SETX: variants seen among roughly 807,000 people sequenced by gnomAD.
SETX encodes senataxin, also known as helicase senataxin.
A neutral mutation model predicts 227.2 loss-of-function variants in SETX; 90 were observed. That is an observed-to-expected ratio of 0.40 (90% confidence interval 0.33 to 0.47). SETX has a LOEUF of 0.47. Ranked by LOEUF, SETX falls within the 20% of genes least tolerant of loss-of-function variation. The pLI, the probability that SETX is intolerant of heterozygous loss-of-function variation, is 0.91. For synonymous variants in SETX, 1,210 were observed against 1,113.2 expected, an observed-to-expected ratio of 1.09 and a Z score of -1.73; for missense variants, 3,052 against 3,181.5, an observed-to-expected ratio of 0.96 and a Z score of 0.98.
chr9:132,283,442 C>T, intron 18 of SETX, 29 bp from the exon 19 acceptor site: 2 of 1,613,838 alleles, frequency 1.2e-6, no homozygotes, highest in African/African-American at 2.7e-5. Context: ...AATCAATATT[C>T]AGCTGTACAT....
At chr9:132,354,188 C>A (rs909228873) in intron 1 of SETX, among the ~76,000 whole-genome samples, 3 of 152,172 alleles carry the variant, frequency 2.0e-5, no homozygotes, top group Admixed American at 2.0e-4. Flanking sequence ...AGTCCTGTGG[C>A]CAGCAGCAAA....
chr9:132,275,267 GA>G lies in SETX; in HGVS notation c.7088del (p.Phe2363SerfsTer9). ...TAAAAATGCCTCACCCTTTTCTATC[GA>G]ACTCTTTGTCCAAATCCTTCTGAAT... ...TMIQKDLDKE[F>X]DRKGPAEVDT... On this transcript the variant is annotated frameshift_variant, in exon 23 of 26. Transcript: ENST00000224140. LOFTEE classifies it high-confidence loss of function. 6.2e-7 allele frequency: 1 copy of G among 1,613,868 alleles called. No individual in the cohort carries two copies. Among genetic ancestry groups the G allele is most frequent in the Non-Finnish European group, 8.5e-7 (1 of 1,179,946 alleles).
At chr9:132,332,895 G>GAC (rs1371606470) in intron 7 of SETX, among the ~76,000 whole-genome samples, 24 of 26,352 alleles carry the variant, frequency 9.1e-4, no homozygotes, top group Non-Finnish European at 2.0e-3. Flanking sequence ...CAGGGTGGGT[G>GAC]ATAGTGAGAT....
rs11313530 is a variant in SETX at position 132,313,930 on chromosome 9, GTT to G, written c.5275-2076_5275-2075del. ...ACAATGTGGCCTTCCAAGTTTTTTG[GTT>G]TTTTTTTTTGTTTTTTGAGATGCAG... On this transcript the variant is annotated intron_variant, in intron 10 of 25. Coordinates refer to ENST00000224140, the MANE Select transcript of SETX (RefSeq NM_015046.7). Among the ~76,000 whole-genome samples, 1,027 of 148,878 alleles carry G rather than the reference GTT, an allele frequency of 6.9e-3. 13 individuals carry two copies. The highest frequency in any genetic ancestry group is 0.023 in the African/African-American group (956 of 40,946).
chr9:132,275,117 A>T, intron 23 of SETX, 139 bp downstream of exon 23: 1 of 879,358 alleles, frequency 1.1e-6, no homozygotes, highest in Non-Finnish European at 1.8e-6. Flanking sequence ...TATGAAAGCC[A>T]GCAGCATCCC....
chr9:132,338,860 T>C (rs1360685998), intron 5 of SETX, among the ~76,000 whole-genome samples: 1 of 152,156 alleles, frequency 6.6e-6, no homozygotes, highest in African/African-American at 2.4e-5. Flanking sequence ...TGGGCTCAAG[T>C]GATCCTCCCA....
At chr9:132,282,477 A>T (rs1322086829) in intron 19 of SETX, among the ~76,000 whole-genome samples, 2 of 151,798 alleles carry the variant, frequency 1.3e-5, no homozygotes, top group Non-Finnish European at 2.9e-5. Flanking sequence ...TTTAGTAGAG[A>T]CAAGGTTTCA....
At chr9:132,268,782 C>G (rs1158208223) in intron 25 of SETX, among the ~76,000 whole-genome samples, 1 of 152,050 alleles carries the variant, frequency 6.6e-6, no homozygotes, top group Non-Finnish European at 1.5e-5. Context: ...AAGATTTTTT[C>G]TATCAACTTA....
Position 132,311,819 on chromosome 9 carries a change from TTC to T in SETX, c.5310_5311del (p.Asn1771PhefsTer27), listed in dbSNP as rs750959420. On this transcript the variant is annotated frameshift_variant, in exon 11 of 26. Transcript: ENST00000224140. LOFTEE classifies it high-confidence loss of function. ...TTTTCGTACTTGCAACTGATAGAAA[TTC>T]TCTCTATTTGGAGAGTTGAGCCATT... The T allele has an allele frequency of 4.3e-6, 7 of 1,613,780 alleles. No individual in the cohort carries two copies. Among genetic ancestry groups the T allele is most frequent in the Non-Finnish European group, 5.9e-6 (7 of 1,179,896 alleles).
rs1157691529 is a variant in SETX at position 132,335,390 on chromosome 9, CAAAAAAAAAAAAAA to C, written c.719-677_719-664del. Reference sequence around the variant, plus strand: ...TGGGCGACAGAGCAAGACTCCGTCTCAAAAAAAAAAAAAAAAAAAAAAAAAAGTATTTTGAGCCA... The same window carrying C: ...TGGGCGACAGAGCAAGACTCCGTCTCAAAAAAAAAAAAGTATTTTGAGCCA... On this transcript the variant is annotated intron_variant, in intron 6 of 25. Transcript: ENST00000224140. Among the ~76,000 whole-genome samples, 424 of 52,064 alleles carry C rather than the reference CAAAAAAAAAAAAAA, an allele frequency of 8.1e-3. 11 individuals carry two copies. Among genetic ancestry groups the C allele is most frequent in the African/African-American group, 0.032 (402 of 12,658 alleles). The allele number at this position is 52,064 out of a possible 152,430, so 34.2% of individuals were successfully genotyped here.
chr9:132,292,478 C>T (rs1844395540), intron 15 of SETX, among the ~76,000 whole-genome samples: 1 of 134,084 alleles, frequency 7.5e-6, no homozygotes, highest in South Asian at 2.4e-4. Flanking sequence ...GACATTTAAA[C>T]AGCAAATAGA....
intron 17 of SETX, among the ~76,000 whole-genome samples, chr9:132,286,969 G>A (rs555648405): frequency 1.1e-4 from 16 of 152,290 alleles, no homozygotes; most frequent in African/African-American, 3.4e-4. Context: ...CTGAGATGGT[G>A]GAAGCCCTGA....
intron 5 of SETX, 64 bp from the exon 6 acceptor site, chr9:132,336,579 A>G (rs1013161294): frequency 8.8e-7 from 1 of 1,133,594 alleles, no homozygotes; most frequent in East Asian, 2.3e-5. Flanking sequence ...GCAAGAACAC[A>G]GAAAAGAAAA....
rs762766974 is a variant in SETX, at chr9:132,264,745, G to A, written c.7528C>T (p.His2510Tyr). 6.8e-6 allele frequency: 11 copies of A among 1,614,042 alleles called. No individual in the cohort carries two copies. In the South Asian group the frequency reaches 9.9e-5, roughly 14 times the overall value. Residue 2510 changes from histidine to tyrosine, a missense_variant, in exon 26 of 26, where the codon CAC becomes TAC. His to Tyr is a moderately conservative substitution (Grantham distance 83, BLOSUM62 2). This residue lies in a region of SETX where 294 missense variants were observed against 278.8 expected (regional missense o/e 1.05). Coordinates refer to ENST00000224140, the MANE Select transcript of SETX (RefSeq NM_015046.7). ...AKTSVAASLY[H>Y]TPSDSKEITL... is the part of the protein sequence containing the mutation. ...ATTTCCTTGGAGTCAGAGGGTGTGT[G>A]GTATAGAGAAGCAGCAACAGATGTC...
chr9:132,356,312 C>A (rs1034648470), upstream of SETX, among the ~76,000 whole-genome samples: 1 of 152,110 alleles, frequency 6.6e-6, no homozygotes, highest in Non-Finnish European at 1.5e-5. Context: ...AAATGATTCT[C>A]CTGCATCAGC....
At chr9:132,280,406 TAAA>T (rs778948355) in intron 20 of SETX, among the ~76,000 whole-genome samples, 2 of 152,200 alleles carry the variant, frequency 1.3e-5, no homozygotes, top group Non-Finnish European at 2.9e-5. Context: ...CTGCATCATT[TAAA>T]GAAATGGGAT....
At chr9:132,271,886 TG>T in intron 23 of SETX, 78 bp from the exon 24 acceptor site, 1 of 1,348,980 alleles carries the variant, frequency 7.4e-7, no homozygotes, top group African/African-American at 1.5e-5. Flanking sequence ...ACTAGTTTTT[TG>T]GTTTTTTTTT....
Position 132,327,222 on chromosome 9 carries a change from G to A in SETX, c.4376C>T (p.Ser1459Phe). ...GTVPTNEVIV[S>F]TSEDPLGGGD... ...TCCACCCAGAGGGTCTTCTGAAGTG[G>A]AGACAATTACTTCATTTGTTGGTAC... The change falls in exon 10 of 26, where the codon TCC (serine) becomes TTC (phenylalanine). Residue 1459 changes from serine to phenylalanine, a missense_variant. By Grantham distance (155) the Ser-to-Phe change is radical. Coordinates refer to ENST00000224140, the MANE Select transcript of SETX (RefSeq NM_015046.7). 1 of 1,614,190 alleles carries A rather than the reference G, an allele frequency of 6.2e-7. No homozygotes were observed. The highest frequency in any genetic ancestry group is 8.5e-7 in the Non-Finnish European group (1 of 1,180,044).
In SETX at chr9:132,324,398, TAAC is replaced by T. The variant is rs772088077; in HGVS notation, c.5274+1923_5274+1925del. Among the ~76,000 whole-genome samples, 87 of 152,226 alleles carry T rather than the reference TAAC, an allele frequency of 5.7e-4. No individual in the cohort carries two copies. In the Middle Eastern group the frequency reaches 0.01, roughly 18 times the overall value. ...CCATTTATCTTGCCATGTACAGTGTTAACAACTCACTTCTCTTCTTTTGTAGTA... is the reference window on the plus strand; with the variant it reads ...CCATTTATCTTGCCATGTACAGTGTTAACTCACTTCTCTTCTTTTGTAGTA... On this transcript the variant is annotated intron_variant, in intron 10 of 25. Transcript: ENST00000224140.
Sources: gnomAD v4.1 joint callset for allele counts (sites outside exome capture counted in the v4.1 genomes callset) on GRCh38, gnomAD v4.1.1 for gene constraint, gnomAD v4.1.1 regional missense constraint, MANE v1.5 for transcripts, NCBI Gene and HGNC (gene_info 2026-07-23, HGNC 2026-07-21) for gene names.